Variants in CACNB4 observed in about 807,000 individuals in gnomAD.
CACNB4 encodes the protein calcium voltage-gated channel auxiliary subunit beta 4, also known as voltage-dependent L-type calcium channel subunit beta-4.
CACNB4 carries 32 observed loss-of-function variants against 71.2 expected under a neutral mutation model. That is an observed-to-expected ratio of 0.45 (90% CI 0.34 to 0.60). The LOEUF is 0.60. CACNB4 is among the 20% of genes least tolerant of loss of function. CACNB4 has a pLI of 0.01. For synonymous variants in CACNB4, 231 were observed against 236.9 expected, an observed-to-expected ratio of 0.97 and a Z score of 0.23; for missense variants, 464 against 647.9, an observed-to-expected ratio of 0.72 and a Z score of 3.08.
At chr2:151,971,506 G>GA in intron 2 of CACNB4, 2 of 702,618 alleles carry the variant, frequency 2.8e-6, no homozygotes, top group Non-Finnish European at 5.2e-6. Flanking sequence ...GACCTGTTCC[G>GA]AGAGCTCTGC....
intron 2 of CACNB4, among the ~76,000 whole-genome samples, chr2:151,956,902 T>C (rs2099868408): frequency 6.6e-6 from 1 of 152,226 alleles, no homozygotes; most frequent in Admixed American, 6.5e-5. Flanking sequence ...ATCCTAGCAC[T>C]GTGGGAGACC....
intron 2 of CACNB4, among the ~76,000 whole-genome samples, chr2:152,097,908 A>T (rs1688359183): frequency 6.6e-6 from 1 of 152,250 alleles, no homozygotes; most frequent in Non-Finnish European, 1.5e-5. Context: ...AAATTAGGAC[A>T]AAACAGAAGA....
At chr2:151,917,634 C>T (rs914028802) in intron 2 of CACNB4, among the ~76,000 whole-genome samples, 4 of 151,950 alleles carry the variant, frequency 2.6e-5, no homozygotes, top group Middle Eastern at 3.4e-3. Context: ...GTCAGGAGTT[C>T]GAGACCAGCC....
At chr2:152,033,911 T>A (rs911297812) in intron 2 of CACNB4, among the ~76,000 whole-genome samples, 1 of 152,230 alleles carries the variant, frequency 6.6e-6, no homozygotes, top group African/African-American at 2.4e-5. Context: ...TTCCCTTCCT[T>A]ATTAACAAGA....
At chr2:152,037,243 C>T (rs962633269) in intron 2 of CACNB4, among the ~76,000 whole-genome samples, 2 of 152,162 alleles carry the variant, frequency 1.3e-5, no homozygotes, top group African/African-American at 4.8e-5. Flanking sequence ...AACAAGTACT[C>T]AAAGGTGGAT....
chr2:152,023,434 G>T lies in CACNB4; in HGVS notation c.147+74896C>A, dbSNP rs533335988. Among the ~76,000 whole-genome samples the T allele has an allele frequency of 6.7e-4, 6 of 8,942 alleles. No individual in the cohort carries two copies. In the South Asian group the frequency reaches 0.049, roughly 73 times the overall value. The allele number at this position is 8,942 out of a possible 152,430, so 5.9% of individuals were successfully genotyped here. A position where few individuals can be genotyped will look rare whatever the true frequency, so the allele number is the denominator to read the frequency against. On this transcript the variant is annotated intron_variant, in intron 2 of 13. Transcript: ENST00000539935. The stretch of plus-strand genomic sequence containing the variant: ...ATAAAGGCCACCGTAAAAGTGAGAG[G>T]TGCTTTTTTTTTTTGGTCAGACAAA...
At chr2:152,047,583 T>C (rs749650268) in intron 2 of CACNB4, among the ~76,000 whole-genome samples, 6 of 152,202 alleles carry the variant, frequency 3.9e-5, no homozygotes, top group Non-Finnish European at 8.8e-5. Flanking sequence ...AATGAACCCC[T>C]GCCTTTAAAA....
At chr2:151,867,743 C>T (rs199621826) in intron 9 of CACNB4, 148 of 152,262 alleles carry the variant, frequency 9.7e-4, no homozygotes, top group African/African-American at 3.4e-3. Context: ...AAGTTCTAAC[C>T]AGTGAAATGT....
intron 2 of CACNB4, among the ~76,000 whole-genome samples, chr2:151,999,539 T>C (rs1050096331): frequency 3.3e-5 from 5 of 152,168 alleles, no homozygotes; most frequent in African/African-American, 1.2e-4. Context: ...TCTAACCCAA[T>C]TTACCCAACG....
chr2:151,980,998 C>T (rs2099874630), intron 2 of CACNB4, among the ~76,000 whole-genome samples: 2 of 152,218 alleles, frequency 1.3e-5, no homozygotes, highest in African/African-American at 4.8e-5. Flanking sequence ...GCCACCTTCA[C>T]TCTGTCCCCT....
intron 2 of CACNB4, among the ~76,000 whole-genome samples, chr2:152,084,640 C>T (rs949092538): frequency 2.6e-5 from 4 of 152,150 alleles, no homozygotes; most frequent in Non-Finnish European, 4.4e-5. Context: ...GGCAGGGTCT[C>T]ACTGTGTCAA....
chr2:151,937,056 G>A (rs1313169659), intron 2 of CACNB4, among the ~76,000 whole-genome samples: 2 of 152,216 alleles, frequency 1.3e-5, no homozygotes, highest in African/African-American at 4.8e-5. Context: ...GAGACATTCA[G>A]TAGTCATGGA....
intron 2 of CACNB4, among the ~76,000 whole-genome samples, chr2:152,035,220 A>G (rs147867863): frequency 8.3e-4 from 126 of 152,318 alleles, no homozygotes; most frequent in African/African-American, 3.0e-3. Flanking sequence ...TCTTTTGTAT[A>G]TTTATTCACT....
intron 2 of CACNB4, among the ~76,000 whole-genome samples, chr2:152,069,834 A>G (rs1686569769): frequency 7.0e-6 from 1 of 143,364 alleles, no homozygotes; most frequent in Non-Finnish European, 1.5e-5. Flanking sequence ...CGACTTCATC[A>G]ATCTTTTTTT....
At chr2:152,009,981 C>T (rs1682964636) in intron 2 of CACNB4, among the ~76,000 whole-genome samples, 1 of 152,230 alleles carries the variant, frequency 6.6e-6, no homozygotes, top group African/African-American at 2.4e-5. Context: ...TTGAGATTAA[C>T]ATTTAAGTTA....
At chr2:151,896,337 C>T (rs1283027518) in intron 2 of CACNB4, among the ~76,000 whole-genome samples, 5 of 152,142 alleles carry the variant, frequency 3.3e-5, no homozygotes, top group Non-Finnish European at 7.3e-5. Flanking sequence ...TAGAAGATGA[C>T]GAATGGTTGG....
At chr2:152,018,802 T>C (rs1435950213) in intron 2 of CACNB4, among the ~76,000 whole-genome samples, 1 of 54,486 alleles carries the variant, frequency 1.8e-5, no homozygotes. Context: ...AGACCCTGTC[T>C]CAAAACACAC....
chr2:152,079,247 C>A (rs2105410371), intron 2 of CACNB4, among the ~76,000 whole-genome samples: 1 of 152,078 alleles, frequency 6.6e-6, no homozygotes, highest in South Asian at 2.1e-4. Context: ...CGCCACCACG[C>A]CCAGCTGATT....
chr2:152,024,082 G>A (rs1683830810), intron 2 of CACNB4, among the ~76,000 whole-genome samples: 1 of 152,180 alleles, frequency 6.6e-6, no homozygotes. Flanking sequence ...CACTTTGGGA[G>A]GCTGAAGGAG....
Sources: allele counts gnomAD v4.1 joint callset (sites outside exome capture counted in the v4.1 genomes callset), GRCh38; gene constraint gnomAD v4.1.1; transcripts MANE v1.5; gene names NCBI Gene and HGNC (gene_info 2026-07-23, HGNC 2026-07-21).